Variants in GDF10 observed in about 807,000 individuals in gnomAD.
The protein encoded by GDF10 is growth/differentiation factor 10.
In GDF10, 23 loss-of-function variants were observed where a neutral mutation model predicts 32.1. That is an observed-to-expected ratio of 0.72 (90% CI 0.52 to 1.02). GDF10 has a LOEUF of 1.02. Ranked by LOEUF, GDF10 falls within the 50% of genes least tolerant of loss-of-function variation. The pLI, the probability that GDF10 is intolerant of heterozygous loss-of-function variation, is 0.00. For missense variants in GDF10, 764 were observed against 673.9 expected (o/e 1.13, Z -1.48); for synonymous variants, 328 against 303.1 (o/e 1.08, Z -0.85).
At chr10:47,308,572 C>A (rs1455576170) in intron 1 of GDF10, among the ~76,000 whole-genome samples, 1 of 152,142 alleles carries the variant, frequency 6.6e-6, no homozygotes, top group Non-Finnish European at 1.5e-5. Flanking sequence ...AAAATCCCTG[C>A]AGATGCTGTA....
At chr10:47,305,324 G>A (rs1435518431) in intron 1 of GDF10, among the ~76,000 whole-genome samples, 1 of 152,178 alleles carries the variant, frequency 6.6e-6, no homozygotes, top group African/African-American at 2.4e-5. Context: ...ACTTTTGGAG[G>A]TGCAAATACT....
intron 1 of GDF10, among the ~76,000 whole-genome samples, chr10:47,304,772 G>A (rs1399245344): frequency 1.3e-5 from 2 of 152,160 alleles, no homozygotes; most frequent in African/African-American, 4.8e-5. Context: ...ATTTCCATTT[G>A]AAATTACTTT....
chr10:47,312,605 T>C lies in GDF10; in HGVS notation c.1250T>C (p.Val417Ala). The C allele has an allele frequency of 6.3e-6, 10 of 1,581,090 alleles. No individual in the cohort carries two copies. Among genetic ancestry groups the C allele is most frequent in the Non-Finnish European group, 8.6e-6 (10 of 1,162,348 alleles). ...TACTCCTTTTCTGCCTTGCAGATCG[T>C]TCGTCCATCCAACCATGCCACCATC... Reference protein sequence around the residue: ...GACEFPMPKIVRPSNHATIQS... With the variant: ...GACEFPMPKIARPSNHATIQS... Residue 417 changes from valine to alanine, a missense_variant, in exon 3 of 3, where the codon GTT becomes GCT. Physicochemically the swap from Val to Ala is moderately conservative, Grantham distance 64. Coordinates refer to ENST00000580279, the MANE Select transcript of GDF10 (RefSeq NM_004962.5).
intron 1 of GDF10, among the ~76,000 whole-genome samples, chr10:47,305,113 A>G (rs1555207103): frequency 6.6e-6 from 1 of 152,188 alleles, no homozygotes; most frequent in Non-Finnish European, 1.5e-5. Flanking sequence ...AAAAGCAGGA[A>G]TGGGAGAGGC....
chr10:47,300,738 G>T lies in GDF10; in HGVS notation c.87G>T (p.Arg29=). The change falls in exon 1 of 3, where the codon CGG becomes CGT. Residue 29 remains arginine, a synonymous_variant. Transcript: ENST00000580279. The part of the protein sequence containing the change: ...LLLPLFLLLL[R]DVAGSHRAPA... ...TGCCGTTGTTTCTGCTGTTGCTCCG[G>T]GATGTGGCCGGCAGCCACAGGGCCC... 6.4e-7 allele frequency: 1 copy of T among 1,566,710 alleles called. No individual in the cohort carries two copies. Among genetic ancestry groups the T allele is most frequent in the South Asian group, 1.1e-5 (1 of 87,388 alleles).
Position 47,313,449 on chromosome 10 carries a change from CGTG to C in GDF10, c.*659_*661del, listed in dbSNP as rs1471914052. ...CATATTGAAATAACACATATAGTAA[CGTG>C]GGAATACTAAAAAATAACCAAGATT... On this transcript the variant is annotated 3_prime_UTR_variant, in exon 3 of 3. Coordinates refer to ENST00000580279, the MANE Select transcript of GDF10 (RefSeq NM_004962.5). 1 of 152,312 alleles carries C rather than the reference CGTG, an allele frequency of 6.6e-6. No individual in the cohort carries two copies. Among genetic ancestry groups the C allele is most frequent in the Non-Finnish European group, 1.5e-5 (1 of 67,990 alleles). The allele number at this position is 152,312 out of a possible 1,614,324, so 9.4% of individuals were successfully genotyped here.
intron 1 of GDF10, among the ~76,000 whole-genome samples, chr10:47,308,293 A>G (rs2061030388): frequency 6.6e-6 from 1 of 152,140 alleles, no homozygotes; most frequent in Non-Finnish European, 1.5e-5. Flanking sequence ...TCAAGTGTGC[A>G]TTGAGACCCT....
At chr10:47,307,551 G>A (rs1230471767) in intron 1 of GDF10, among the ~76,000 whole-genome samples, 1 of 152,204 alleles carries the variant, frequency 6.6e-6, no homozygotes, top group East Asian at 1.9e-4. Context: ...ATGCACTGGG[G>A]CTGGGGGTGA....
At chr10:47,306,697 C>A (rs1464343273) in intron 1 of GDF10, among the ~76,000 whole-genome samples, 1 of 152,150 alleles carries the variant, frequency 6.6e-6, no homozygotes, top group Admixed American at 6.5e-5. Context: ...TCTCCAGCCA[C>A]GGGAGCCCAG....
chr10:47,304,279 A>T (rs540984021), intron 1 of GDF10, among the ~76,000 whole-genome samples: 1 of 152,200 alleles, frequency 6.6e-6, no homozygotes, highest in African/African-American at 2.4e-5. Flanking sequence ...CATGAGTATT[A>T]TGAATTTGTT....
intron 1 of GDF10, among the ~76,000 whole-genome samples, chr10:47,304,195 T>C (rs1298239949): frequency 6.6e-6 from 1 of 152,062 alleles, no homozygotes; most frequent in Non-Finnish European, 1.5e-5. Context: ...GGAGTTTGGT[T>C]TTAATGATAA....
chr10:47,303,219 C>T (rs1385631778), intron 1 of GDF10, among the ~76,000 whole-genome samples: 7 of 152,196 alleles, frequency 4.6e-5, no homozygotes, highest in Admixed American at 1.3e-4. Context: ...AGCTCTGGTC[C>T]GAGAACATGC....
At chr10:47,301,118 C>T (rs2132218899) in intron 1 of GDF10, 148 bp downstream of exon 1, 1 of 617,164 alleles carries the variant, frequency 1.6e-6, no homozygotes, top group South Asian at 2.5e-5. Context: ...ACTGATCTCT[C>T]CATGCCAGGC....
intron 1 of GDF10, 93 bp from the exon 2 acceptor site, chr10:47,309,703 A>C (rs1262994613): frequency 5.3e-6 from 4 of 756,546 alleles, no homozygotes; most frequent in Admixed American, 4.8e-5. Context: ...GAAAGTGTGG[A>C]TCGGTGGGCG....
At chr10:47,309,461 G>A (rs2132224966) in intron 1 of GDF10, among the ~76,000 whole-genome samples, 1 of 152,348 alleles carries the variant, frequency 6.6e-6, no homozygotes, top group African/African-American at 2.4e-5. Context: ...AGGCAGTAGA[G>A]GGCAGGGGGA....
Position 47,310,389 on chromosome 10 carries a change from G to A in GDF10, c.913G>A (p.Gly305Arg), listed in dbSNP as rs2061040810. The A allele has an allele frequency of 6.2e-7, 1 of 1,608,914 alleles. No individual in the cohort carries two copies. The change falls in exon 2 of 3, where the codon GGG becomes AGG. Residue 305 changes from glycine to arginine, a missense_variant. Coordinates refer to ENST00000580279, the MANE Select transcript of GDF10 (RefSeq NM_004962.5). ...GCCCCTCCAGGACAACGAGCTGCCG[G>A]GGCTGGATGAGAGGCCGCCGCGCGC... ...TGPLQDNELP[G>R]LDERPPRAHA...
intron 1 of GDF10, among the ~76,000 whole-genome samples, chr10:47,307,230 A>T (rs1318690279): frequency 3.3e-5 from 5 of 152,088 alleles, no homozygotes; most frequent in Non-Finnish European, 5.9e-5. Flanking sequence ...GCAAATCTTT[A>T]TCAGGAAAAC....
intron 1 of GDF10, 65 bp downstream of exon 1, chr10:47,301,035 C>A: frequency 9.0e-7 from 1 of 1,108,478 alleles, no homozygotes; most frequent in Non-Finnish European, 1.2e-6. Flanking sequence ...TTCTGTCTCC[C>A]CACCCGTGCA....
Position 47,312,607 on chromosome 10 carries a change from C to A in GDF10, c.1252C>A (p.Arg418Ser). 1 of 1,580,870 alleles carries A rather than the reference C, an allele frequency of 6.3e-7. No individual in the cohort carries two copies. The highest frequency in any genetic ancestry group is 8.6e-7 in the Non-Finnish European group (1 of 1,162,300). The change falls in exon 3 of 3, where the codon CGT becomes AGT. Residue 418 changes from arginine (R) to serine (S), a missense_variant. By Grantham distance (110) the Arg-to-Ser change is moderately radical. Transcript: ENST00000580279. ...CTCCTTTTCTGCCTTGCAGATCGTT[C>A]GTCCATCCAACCATGCCACCATCCA... ...ACEFPMPKIV[R>S]PSNHATIQSI...
Sources: gnomAD v4.1 joint callset for allele counts (sites outside exome capture counted in the v4.1 genomes callset) on GRCh38, gnomAD v4.1.1 for gene constraint, MANE v1.5 for transcripts, NCBI Gene and HGNC (gene_info 2026-07-23, HGNC 2026-07-21) for gene names.